CMYA5: variants seen among roughly 807,000 people sequenced by gnomAD.
CMYA5 encodes the protein cardiomyopathy associated 5.
A neutral mutation model predicts 318.9 loss-of-function variants in CMYA5; 246 were observed. The ratio of observed to expected loss-of-function variants is 0.77; its 90% CI spans 0.70 to 0.86. The LOEUF (loss-of-function observed/expected upper bound fraction) is 0.86, where lower values mean the gene tolerates loss of function less well. CMYA5 is among the 40% of genes least tolerant of loss of function. The pLI is 0.00. For synonymous variants in CMYA5, 1,641 were observed against 1,729.5 expected (o/e 0.95, Z 1.27); for missense variants, 4,589 against 4,678.2 (o/e 0.98, Z 0.56).
Position 79,731,615 on chromosome 5 carries a change from A to G in CMYA5, c.2850A>G (p.Ala950=). Residue 950 remains alanine, a synonymous_variant, in exon 2 of 13, where the codon GCA becomes GCG. Transcript: ENST00000446378. The part of the protein sequence containing the change: ...EDIGPFSPDS[A]FVSEFSFPPY... The stretch of plus-strand genomic sequence containing the variant: ...TTGGACCTTTTTCTCCAGATTCTGC[A>G]TTTGTGTCAGAATTCTCATTTCCAC... 3.1e-6 allele frequency: 5 copies of G among 1,613,802 alleles called. No individual in the cohort carries two copies. The highest frequency in any genetic ancestry group is 4.2e-6 in the Non-Finnish European group (5 of 1,179,818).
Position 79,776,029 on chromosome 5 carries a change from A to G in CMYA5, c.11555+12820A>G, listed in dbSNP as rs115421154. ...TATGCTGATTTTGCAAGAATGTTTA[A>G]TTATAGGAAAGCCTAAGCCCCATGG... On this transcript the variant is annotated intron_variant, in intron 9 of 12. Transcript: ENST00000446378. Among the ~76,000 whole-genome samples the G allele has an allele frequency of 4.1e-3, 619 of 152,292 alleles. 3 individuals are homozygous for G. Among genetic ancestry groups the G allele is most frequent in the African/African-American group, 0.014 (592 of 41,568 alleles).
intron 1 of CMYA5, among the ~76,000 whole-genome samples, chr5:79,699,968 C>T (rs1501912): frequency 3.9e-5 from 6 of 152,092 alleles, no homozygotes; most frequent in Non-Finnish European, 7.4e-5. Context: ...GATAATACAG[C>T]CTTTGTGGCT....
At chr5:79,752,534 A>C in intron 5 of CMYA5, 142 bp from the exon 6 acceptor site, 1 of 538,238 alleles carries the variant, frequency 1.9e-6, no homozygotes, top group Non-Finnish European at 3.3e-6. Context: ...TAAAGCTTTA[A>C]ATCCTTTTTT....
intron 1 of CMYA5, among the ~76,000 whole-genome samples, chr5:79,716,430 A>G (rs554490952): frequency 4.6e-5 from 7 of 152,214 alleles, no homozygotes; most frequent in Non-Finnish European, 1.0e-4. Flanking sequence ...CACAAGGAAT[A>G]TTTAATGTTG....
chr5:79,749,563 T>C (rs1828393284), intron 5 of CMYA5, among the ~76,000 whole-genome samples: 1 of 152,056 alleles, frequency 6.6e-6, no homozygotes, highest in Non-Finnish European at 1.5e-5. Context: ...AGCCCAGAAA[T>C]GTTGAAAAAT....
intron 1 of CMYA5, among the ~76,000 whole-genome samples, chr5:79,707,858 T>G (rs867561523): frequency 3.9e-5 from 6 of 152,180 alleles, no homozygotes; most frequent in Non-Finnish European, 7.4e-5. Context: ...AGAACTTTAT[T>G]TCTCAGAGCT....
chr5:79,734,987 C>A lies in CMYA5; in HGVS notation c.6222C>A (p.Phe2074Leu). Residue 2074 changes from phenylalanine to leucine, a missense_variant, in exon 2 of 13, where the codon TTC (phenylalanine) becomes TTA (leucine). Coordinates refer to ENST00000446378, the MANE Select transcript of CMYA5 (RefSeq NM_153610.5). ...TISSSVKTAH[F>L]PAEGVEPALG... The stretch of plus-strand genomic sequence containing the variant: ...CCTCTTCTGTCAAAACAGCCCATTT[C>A]CCGGCAGAAGGTGTGGAACCTGCAT... 1 of 1,613,704 alleles carries A rather than the reference C, an allele frequency of 6.2e-7. No individual in the cohort carries two copies. Among genetic ancestry groups the A allele is most frequent in the Non-Finnish European group, 8.5e-7 (1 of 1,179,768 alleles).
intron 1 of CMYA5, among the ~76,000 whole-genome samples, chr5:79,690,338 G>A (rs1826942710): frequency 6.6e-6 from 1 of 152,136 alleles, no homozygotes; most frequent in African/African-American, 2.4e-5. Flanking sequence ...CATAACTGCC[G>A]AAATGTGCTG....
intron 9 of CMYA5, among the ~76,000 whole-genome samples, chr5:79,778,693 T>A (rs1049984887): frequency 2.0e-5 from 3 of 151,616 alleles, no homozygotes; most frequent in Admixed American, 6.6e-5. Flanking sequence ...AAAAATTTTT[T>A]ACCGTGCATA....
At chr5:79,718,658 A>C (rs1827565027) in intron 1 of CMYA5, among the ~76,000 whole-genome samples, 1 of 152,206 alleles carries the variant, frequency 6.6e-6, no homozygotes, top group African/African-American at 2.4e-5. Flanking sequence ...GGAAGGAACT[A>C]CAAGTTCCTA....
chr5:79,718,085 C>T (rs1827554266), intron 1 of CMYA5, among the ~76,000 whole-genome samples: 1 of 60,874 alleles, frequency 1.6e-5, no homozygotes, highest in South Asian at 4.4e-4. Flanking sequence ...GACGGGGTTT[C>T]ACCGTTTTAG....
chr5:79,735,352 T>C lies in CMYA5; in HGVS notation c.6587T>C (p.Val2196Ala), dbSNP rs1340774907. ...FFGSSTPDNK[V>A]AEQEDLETQP... is the part of the protein sequence containing the mutation. ...GGATCGAGCACTCCAGATAACAAAG[T>C]TGCTGAACAAGAAGACTTAGAAACA... The change falls in exon 2 of 13, where the codon GTT becomes GCT. Residue 2196 changes from valine to alanine, a missense_variant. By Grantham distance (64) the Val-to-Ala change is moderately conservative. This residue lies in a region of CMYA5 where 2,431 missense variants were observed against 2,495.1 expected (regional missense o/e 0.97). Transcript: ENST00000446378. The C allele has an allele frequency of 1.2e-6, 2 of 1,613,834 alleles. No homozygotes were observed. The highest frequency in any genetic ancestry group is 4.5e-5 in the East Asian group (2 of 44,884).
rs1157275595 is a variant in CMYA5, at chr5:79,734,906, C to G, written c.6141C>G (p.Phe2047Leu). 2 of 1,613,720 alleles carry G rather than the reference C, an allele frequency of 1.2e-6. No homozygotes were observed. The highest frequency in any genetic ancestry group is 2.2e-5 in the East Asian group (1 of 44,880). ...AAATTAAACTACCTCCTGAAAGATT[C>G]TTCCAGAAACCAGTGTCTGGCCTAT... ...QEKIKLPPER[F>L]FQKPVSGLSV... The change falls in exon 2 of 13, where the codon TTC becomes TTG. Residue 2047 changes from phenylalanine (F) to leucine (L), a missense_variant. Phe to Leu is a conservative substitution (Grantham distance 22, BLOSUM62 0). This residue lies in a region of CMYA5 where 2,431 missense variants were observed against 2,495.1 expected (regional missense o/e 0.97). Coordinates refer to ENST00000446378, the MANE Select transcript of CMYA5 (RefSeq NM_153610.5).
intron 1 of CMYA5, among the ~76,000 whole-genome samples, chr5:79,697,864 A>G (rs1160683398): frequency 1.3e-5 from 2 of 152,230 alleles, no homozygotes; most frequent in Non-Finnish European, 2.9e-5. Flanking sequence ...GACCCAAAAA[A>G]TCTACATAGT....
chr5:79,743,887 G>A lies in CMYA5; in HGVS notation c.10699G>A (p.Val3567Ile). Residue 3567 changes from valine to isoleucine, a missense_variant, in exon 3 of 13, where the codon GTT (valine) becomes ATT (isoleucine). Physicochemically the swap from Val to Ile is conservative, Grantham distance 29. Transcript: ENST00000446378. ...QEKSLRIEAFVSEIESFFNTI... is the reference protein window; with the variant it reads ...QEKSLRIEAFISEIESFFNTI... Reference sequence around the variant, plus strand: ...AAAGTCCTTGAGGATTGAAGCCTTTGTTAGTGAGATAGAATCCTTTTTTAA... The same window carrying A: ...AAAGTCCTTGAGGATTGAAGCCTTTATTAGTGAGATAGAATCCTTTTTTAA... 6.5e-7 allele frequency: 1 copy of A among 1,547,390 alleles called. No homozygotes were observed. The highest frequency in any genetic ancestry group is 1.2e-5 in the South Asian group (1 of 82,392).
At chr5:79,727,716 G>T (rs1827776410) in intron 1 of CMYA5, among the ~76,000 whole-genome samples, 2 of 152,208 alleles carry the variant, frequency 1.3e-5, no homozygotes, top group African/African-American at 4.8e-5. Flanking sequence ...GTGGAGTATT[G>T]TCGGGGCTCT....
At chr5:79,798,752 G>A (rs1294922701) in intron 12 of CMYA5, among the ~76,000 whole-genome samples, 2 of 152,196 alleles carry the variant, frequency 1.3e-5, no homozygotes, top group Admixed American at 6.5e-5. Context: ...TAGTTGTTGA[G>A]TTGAATTTGT....
chr5:79,738,075 C>CA lies in CMYA5; in HGVS notation c.9311dup (p.His3104GlnfsTer2). 1 of 1,613,440 alleles carries CA rather than the reference C, an allele frequency of 6.2e-7. No individual in the cohort carries two copies. The highest frequency in any genetic ancestry group is 8.5e-7 in the Non-Finnish European group (1 of 1,179,718). Reference sequence around the variant, plus strand: ...AAGTTCAGTGGAAAGTGCACTAGAACATGAATATGACTTGGTGAAATTAGA... The same window carrying CA: ...AAGTTCAGTGGAAAGTGCACTAGAACAATGAATATGACTTGGTGAAATTAGA... On this transcript the variant is annotated frameshift_variant, in exon 2 of 13. Coordinates refer to ENST00000446378, the MANE Select transcript of CMYA5 (RefSeq NM_153610.5). LOFTEE classifies it high-confidence loss of function.
In CMYA5 at chr5:79,739,086, C is replaced by T; in HGVS notation, c.10321C>T (p.Leu3441=). The T allele has an allele frequency of 6.2e-7, 1 of 1,613,724 alleles. No homozygotes were observed. The highest frequency in any genetic ancestry group is 8.5e-7 in the Non-Finnish European group (1 of 1,179,714). Residue 3441 remains leucine, a synonymous_variant, in exon 2 of 13, where the codon CTG becomes TTG. Transcript: ENST00000446378. ...VVPQDILSEE[L]SSESTPEDVL... Reference sequence around the variant, plus strand: ...TCCTCAAGACATATTATCAGAAGAACTGTCTTCAGAATCCACACCTGAAGA... The same window carrying T: ...TCCTCAAGACATATTATCAGAAGAATTGTCTTCAGAATCCACACCTGAAGA...
Sources: gnomAD v4.1 joint callset for allele counts (sites outside exome capture counted in the v4.1 genomes callset) on GRCh38, gnomAD v4.1.1 for gene constraint, gnomAD v4.1.1 regional missense constraint, MANE v1.5 for transcripts, NCBI Gene and HGNC (gene_info 2026-07-23, HGNC 2026-07-21) for gene names.